The following SCYL3 variants were observed in gnomAD, a reference collection of about 807,000 sequenced individuals.
The protein encoded by SCYL3 is SCY1 like pseudokinase 3.
SCYL3 carries 35 observed loss-of-function variants against 73.8 expected under a neutral mutation model. That is an observed-to-expected ratio of 0.47 (90% CI 0.36 to 0.63). The LOEUF is 0.63. Among genes scored for constraint, SCYL3 ranks in the 20% least tolerant of loss-of-function variants. The pLI is 0.00. For synonymous variants in SCYL3, 277 were observed against 295.2 expected, an observed-to-expected ratio of 0.94 and a Z score of 0.63; for missense variants, 712 against 798.9, an observed-to-expected ratio of 0.89 and a Z score of 1.31.
intron 2 of SCYL3, among the ~76,000 whole-genome samples, chr1:169,884,246 T>A (rs1414399923): frequency 6.6e-6 from 1 of 152,182 alleles, no homozygotes; most frequent in East Asian, 1.9e-4. Context: ...AGCAGGTTGG[T>A]TAAATGAGTG....
intron 11 of SCYL3, chr1:169,855,860 G>C (rs901880691): frequency 2.5e-6 from 4 of 1,613,896 alleles, no homozygotes; most frequent in Non-Finnish European, 3.4e-6. Context: ...TGGGCGTGCT[G>C]CCAGAAAAGA....
chr1:169,892,205 C>T (rs918099167), intron 1 of SCYL3, among the ~76,000 whole-genome samples: 6 of 152,192 alleles, frequency 3.9e-5, no homozygotes, highest in African/African-American at 1.4e-4. Context: ...ATTCTTCACA[C>T]TAATATATCT....
intron 12 of SCYL3, 140 bp from the exon 13 acceptor site, chr1:169,853,912 A>T: frequency 3.4e-6 from 3 of 892,560 alleles, no homozygotes; most frequent in Non-Finnish European, 5.1e-6. Context: ...AATAACTTAG[A>T]GCTCTAACAG....
intron 7 of SCYL3, 26 bp downstream of exon 7, chr1:169,868,902 G>T: frequency 6.5e-7 from 1 of 1,549,456 alleles, no homozygotes; most frequent in Non-Finnish European, 8.9e-7. Context: ...GGAAGCAGCT[G>T]GCGTCACCAC....
At chr1:169,875,955 A>AG in intron 4 of SCYL3, 23 bp downstream of exon 4, 1 of 1,504,126 alleles carries the variant, frequency 6.6e-7, no homozygotes. Context: ...CAAGTAAGGA[A>AG]GGGGGGCTGT....
chr1:169,868,347 C>T (rs921860157), intron 7 of SCYL3, among the ~76,000 whole-genome samples: 4 of 152,122 alleles, frequency 2.6e-5, no homozygotes, highest in African/African-American at 9.7e-5. Flanking sequence ...AGAAGTTCTG[C>T]AGTCATGGAA....
chr1:169,850,365 C>A lies in SCYL3; in HGVS notation c.*3348G>T. On this transcript the variant is annotated 3_prime_UTR_variant, in exon 13 of 13. Coordinates refer to ENST00000367771, the MANE Select transcript of SCYL3 (RefSeq NM_020423.7). ...GAGAAGGTACTTTCTTTACATGGCT[C>A]ATGTTTTATTCTTTGTCCTATTTTT... 2 of 1,506,234 alleles carry A rather than the reference C, an allele frequency of 1.3e-6. No individual in the cohort carries two copies. Among genetic ancestry groups the A allele is most frequent in the South Asian group, 1.2e-5 (1 of 84,786 alleles). 93.3% of individuals were successfully genotyped at this position (1,506,234 alleles called of 1,614,324 possible). A position where few individuals can be genotyped will look rare whatever the true frequency, so the allele number is the denominator to read the frequency against.
At chr1:169,868,149 A>G (rs1199910098) in intron 7 of SCYL3, among the ~76,000 whole-genome samples, 1 of 152,212 alleles carries the variant, frequency 6.6e-6, no homozygotes, top group Non-Finnish European at 1.5e-5. Flanking sequence ...ATTTAATAAG[A>G]TTACCCTTCC....
intron 1 of SCYL3, 54 bp from the exon 2 acceptor site, chr1:169,888,944 A>C: frequency 9.7e-7 from 1 of 1,036,006 alleles, no homozygotes. Flanking sequence ...TGCAACATCA[A>C]CAAGAGATAT....
rs1409982395 is a variant in SCYL3, at chr1:169,854,638, G to A, written c.1639C>T (p.Pro547Ser). Residue 547 changes from proline (P) to serine (S), a missense_variant, in exon 12 of 13, where the codon CCT becomes TCT. By Grantham distance (74) the Pro-to-Ser change is moderately conservative. Transcript: ENST00000367771. ...TKPVTSGEQK[P>S]IPALLSLTEE... ...GTGAGTGAAAGCAAAGCAGGAATAG[G>A]CTTCTGCTCCCCTGAGGTAACAGGT... 6.2e-7 allele frequency: 1 copy of A among 1,613,990 alleles called. No individual in the cohort carries two copies. The highest frequency in any genetic ancestry group is 8.5e-7 in the Non-Finnish European group (1 of 1,179,954).
intron 10 of SCYL3, chr1:169,859,767 A>T (rs573731200): frequency 6.6e-6 from 1 of 152,534 alleles, no homozygotes; most frequent in Non-Finnish European, 1.5e-5. Flanking sequence ...CCAGGCAGGG[A>T]CAAGTGCCTG....
At chr1:169,862,426 T>C (rs545004643) in intron 10 of SCYL3, among the ~76,000 whole-genome samples, 187 bp downstream of exon 10, 37 of 152,374 alleles carry the variant, frequency 2.4e-4, no homozygotes, top group Admixed American at 1.3e-4. Context: ...TAAGACCAAA[T>C]ATGTCAGTTT....
At chr1:169,892,781 G>A (rs1168384810) in intron 1 of SCYL3, among the ~76,000 whole-genome samples, 1 of 152,072 alleles carries the variant, frequency 6.6e-6, no homozygotes, top group East Asian at 1.9e-4. Flanking sequence ...TAGGTCAAAG[G>A]GCAACTCATA....
At position 169,882,944 on chromosome 1, in the gene SCYL3, A is replaced by G. The variant is rs1661400762; in HGVS notation, c.166-4125T>C. Reference sequence around the variant, plus strand: ...AGCAGGCTGCCCAGCCAGCAGTGGCAACCCTCTCAGGTCCGCTTCCACATT... The same window carrying G: ...AGCAGGCTGCCCAGCCAGCAGTGGCGACCCTCTCAGGTCCGCTTCCACATT... On this transcript the variant is annotated intron_variant, in intron 2 of 12. Coordinates refer to ENST00000367771, the MANE Select transcript of SCYL3 (RefSeq NM_020423.7). Among the ~76,000 whole-genome samples, 4 of 152,118 alleles carry G rather than the reference A, an allele frequency of 2.6e-5. No homozygotes were observed. In the South Asian group the frequency reaches 6.2e-4, roughly 24 times the overall value.
chr1:169,866,069 G>T (rs6656965), intron 8 of SCYL3, among the ~76,000 whole-genome samples: 106,417 of 151,608 alleles, frequency 0.7, 37,510 homozygotes, highest in Middle Eastern at 0.85. Flanking sequence ...TCTGTTCAAC[G>T]GTCCATGTAT....
At chr1:169,876,455 T>A (rs994251424) in intron 3 of SCYL3, among the ~76,000 whole-genome samples, 6 of 152,242 alleles carry the variant, frequency 3.9e-5, no homozygotes, top group African/African-American at 1.4e-4. Flanking sequence ...CAAGTCTGTA[T>A]AATCTATATT....
At chr1:169,886,121 G>C (rs1661666776) in intron 2 of SCYL3, among the ~76,000 whole-genome samples, 1 of 152,166 alleles carries the variant, frequency 6.6e-6, no homozygotes, top group African/African-American at 2.4e-5. Context: ...GGCTATCCTG[G>C]CCAACATGGT....
At chr1:169,862,954 C>T (rs1177216611) in intron 9 of SCYL3, among the ~76,000 whole-genome samples, 157 bp from the exon 10 acceptor site, 1 of 152,066 alleles carries the variant, frequency 6.6e-6, no homozygotes, top group Non-Finnish European at 1.5e-5. Flanking sequence ...ACTCTGTCAC[C>T]CATGCTGGAG....
chr1:169,864,238 G>A (rs1659865919), intron 9 of SCYL3, 131 bp downstream of exon 9: 9 of 1,191,060 alleles, frequency 7.6e-6, no homozygotes, highest in South Asian at 1.4e-5. Context: ...ATCACATCAG[G>A]GGCCAACAAT....
Sources: gnomAD v4.1 joint callset for allele counts (sites outside exome capture counted in the v4.1 genomes callset) on GRCh38, gnomAD v4.1.1 for gene constraint, MANE v1.5 for transcripts, NCBI Gene and HGNC (gene_info 2026-07-23, HGNC 2026-07-21) for gene names.